The following ARHGEF10L variants were observed in gnomAD, a reference collection of about 807,000 sequenced individuals.
ARHGEF10L encodes rho guanine nucleotide exchange factor 10-like protein.
Under a neutral mutation model 141.2 loss-of-function variants are expected in ARHGEF10L, and 69 were observed. The observed-to-expected ratio is 0.49, with a 90% CI of 0.40 to 0.60. The LOEUF is 0.60. ARHGEF10L is among the 20% of genes least tolerant of loss of function. The pLI is 0.00. For missense variants in ARHGEF10L, 1,482 were observed against 1,734.3 expected (o/e 0.85, Z 2.58); for synonymous variants, 711 against 718.5 (o/e 0.99, Z 0.17).
rs1450090038 is a variant in ARHGEF10L at position 17,603,324 on chromosome 1, G to T, written c.350-184G>T. On this transcript the variant is annotated intron_variant, in intron 5 of 28. Transcript: ENST00000361221. This position sits in a 1 kb window ranked among gnomAD's most constrained non-coding sequence, Gnocchi z 4.8. The stretch of plus-strand genomic sequence containing the variant: ...GAGGGCGCCTTGGAGGGGGTGGGGG[G>T]CGGGGAGAAGCGAGGGAGCCGGCAT... Among the ~76,000 whole-genome samples the T allele has an allele frequency of 8.3e-6, 1 of 121,134 alleles. No homozygotes were observed. Among genetic ancestry groups the T allele is most frequent in the African/African-American group, 3.0e-5 (1 of 32,834 alleles). 79.5% of individuals were successfully genotyped at this position (121,134 alleles called of 152,430 possible).
At chr1:17,661,821 G>C (rs1239874427) in intron 25 of ARHGEF10L, among the ~76,000 whole-genome samples, 1 of 152,240 alleles carries the variant, frequency 6.6e-6, no homozygotes, top group Non-Finnish European at 1.5e-5. Flanking sequence ...CATCCCTGGC[G>C]GAGCCCTGGC....
chr1:17,519,980 G>A, the ARHGEF10L span, among the ~76,000 whole-genome samples: 1 of 152,214 alleles, frequency 6.6e-6, no homozygotes, highest in Non-Finnish European at 1.5e-5. Context: ...CTGGCTAAAA[G>A]GGGTGCAGCC....
At position 17,656,108 on chromosome 1, in the gene ARHGEF10L, G is replaced by C. The variant is rs2102034688; in HGVS notation, c.2705+6G>C. 1 of 1,549,990 alleles carries C rather than the reference G, an allele frequency of 6.5e-7. No homozygotes were observed. ...CTCGGGCTCCAGGATGGCAGGTGAG[G>C]GGCCCGGAAGGAGGGGTGAGAGCAG... On this transcript the variant is annotated splice_donor_region_variant and intron_variant, in intron 24 of 28. Coordinates refer to ENST00000361221, the MANE Select transcript of ARHGEF10L (RefSeq NM_018125.4). This position sits in a 1 kb window ranked among gnomAD's most constrained non-coding sequence, Gnocchi z 4.9.
the ARHGEF10L span, among the ~76,000 whole-genome samples, chr1:17,523,234 C>G: frequency 1.4e-4 from 21 of 151,856 alleles, 1 homozygote; most frequent in South Asian, 1.9e-3. Context: ...TATAGGTGCC[C>G]ACCACCACCA....
chr1:17,563,444 G>A (rs1194302317), intron 1 of ARHGEF10L, among the ~76,000 whole-genome samples: 2 of 152,008 alleles, frequency 1.3e-5, no homozygotes, highest in South Asian at 2.1e-4. Flanking sequence ...CATGTTGCCC[G>A]GGATGGTCTT....
chr1:17,612,978 G>A, intron 7 of ARHGEF10L, 80 bp from the exon 8 acceptor site: 1 of 965,720 alleles, frequency 1.0e-6, no homozygotes, highest in Non-Finnish European at 1.7e-6. Context: ...TTTCTCCCCT[G>A]TTGTCTGTGT....
At position 17,656,638 on chromosome 1, in the gene ARHGEF10L, G is replaced by A. The variant is rs747586983; in HGVS notation, c.2790G>A (p.Leu930=). Residue 930 remains leucine (L), a synonymous_variant, in exon 25 of 29, where the codon CTG becomes CTA. Coordinates refer to ENST00000361221, the MANE Select transcript of ARHGEF10L (RefSeq NM_018125.4). The surrounding 1 kb of genome is among the most constrained non-coding windows in gnomAD (Gnocchi z 4.9). ...CAGGTCTGCAGCCTGTGCTCTGCCT[G>A]CGACACAGCCCCTTCCACCTGCTCG... is the stretch of plus-strand genomic sequence containing the variant. ...RSPGLQPVLC[L]RHSPFHLLAG... is the part of the protein sequence containing the mutation. 1.2e-6 allele frequency: 2 copies of A among 1,613,712 alleles called. No homozygotes were observed. The highest frequency in any genetic ancestry group is 8.5e-7 in the Non-Finnish European group (1 of 1,180,030).
the ARHGEF10L span, among the ~76,000 whole-genome samples, chr1:17,524,364 T>TATACACAC: frequency 1.7e-5 from 2 of 116,030 alleles, no homozygotes; most frequent in Non-Finnish European, 3.4e-5. Flanking sequence ...ACCCCGTCTC[T>TATACACAC]ACACACACAC....
chr1:17,628,763 C>G (rs2060517356), intron 15 of ARHGEF10L, among the ~76,000 whole-genome samples: 1 of 152,186 alleles, frequency 6.6e-6, no homozygotes, highest in African/African-American at 2.4e-5. Flanking sequence ...GTAGACCTTT[C>G]TAAGAGTCCA....
chr1:17,557,364 ACC>A (rs2077372853), intron 1 of ARHGEF10L, among the ~76,000 whole-genome samples: 1 of 151,682 alleles, frequency 6.6e-6, no homozygotes, highest in Non-Finnish European at 1.5e-5. Flanking sequence ...AACAAAAAAA[ACC>A]AAAAAAAACA....
rs2060130380 is a variant in ARHGEF10L at position 17,621,928 on chromosome 1, A to G, written c.1007A>G (p.Lys336Arg). 3 of 1,614,012 alleles carry G rather than the reference A, an allele frequency of 1.9e-6. No individual in the cohort carries two copies. Among genetic ancestry groups the G allele is most frequent in the Non-Finnish European group, 2.5e-6 (3 of 1,180,018 alleles). ...QSEGSYVESLKRILQDYRNPL... is the reference protein window; with the variant it reads ...QSEGSYVESLRRILQDYRNPL... ...GAAGGCAGCTACGTGGAGTCTCTGA[A>G]GCGGATACTCCAGGTGCGACTTCAG... The change falls in exon 11 of 29, where the codon AAG becomes AGG. Residue 336 changes from lysine to arginine, a missense_variant. By Grantham distance (26) the Lys-to-Arg change is conservative. Around this residue, in one of 3 missense-constraint regions of ARHGEF10L, gnomAD observed 392 missense variants for 542.1 expected, o/e 0.72. Transcript: ENST00000361221. This position sits in a 1 kb window ranked among gnomAD's most constrained non-coding sequence, Gnocchi z 4.1.
rs979750167 is a variant in ARHGEF10L at position 17,565,275 on chromosome 1, G to T, written c.-43-15278G>T. 8.5e-5 allele frequency among the ~76,000 whole-genome samples: 13 copies of T among 152,172 alleles called. 1 individual carries two copies. Among genetic ancestry groups the T allele is most frequent in the Non-Finnish European group, 2.9e-5 (2 of 68,028 alleles). ...CACTGCCTAATCCATCACCTTGGGG[G>T]TGAGGTTTCCGCATAGGAATTTTAG... On this transcript the variant is annotated intron_variant, in intron 1 of 28. Coordinates refer to ENST00000361221, the MANE Select transcript of ARHGEF10L (RefSeq NM_018125.4).
chr1:17,671,000 T>A (rs1000764984), intron 26 of ARHGEF10L, among the ~76,000 whole-genome samples: 5 of 152,264 alleles, frequency 3.3e-5, no homozygotes, highest in African/African-American at 1.2e-4. Flanking sequence ...TCTCAGCACA[T>A]CACCCGGCTT....
intron 1 of ARHGEF10L, among the ~76,000 whole-genome samples, chr1:17,567,537 T>C (rs2077810766): frequency 6.6e-6 from 1 of 152,142 alleles, no homozygotes; most frequent in Admixed American, 6.5e-5. Context: ...CAGCTCCTTT[T>C]TTGTATTTTT....
intron 27 of ARHGEF10L, chr1:17,689,816 T>G (rs1281068498): frequency 2.2e-6 from 1 of 455,942 alleles, no homozygotes; most frequent in Non-Finnish European, 4.4e-6. Context: ...AATCTCGTCT[T>G]GTCTGCGCAG....
intron 9 of ARHGEF10L, chr1:17,618,257 T>TCCCCCCCCCCC: frequency 1.4e-6 from 1 of 714,926 alleles, no homozygotes; most frequent in Non-Finnish European, 2.0e-6. Context: ...TCCTCAGCCC[T>TCCCCCCCCCCC]CCCCACCCCG....
chr1:17,618,764 C>G (rs1051286885), intron 9 of ARHGEF10L, among the ~76,000 whole-genome samples: 1 of 152,212 alleles, frequency 6.6e-6, no homozygotes, highest in African/African-American at 2.4e-5. Context: ...AGGCTTGGGC[C>G]TCTGTCCATC....
chr1:17,599,542 A>G (rs1236443564), intron 4 of ARHGEF10L, among the ~76,000 whole-genome samples: 1 of 152,140 alleles, frequency 6.6e-6, no homozygotes. Context: ...ATTCCGAGCA[A>G]CTGATGTGGC....
the ARHGEF10L span, among the ~76,000 whole-genome samples, chr1:17,534,414 T>C: frequency 0.4 from 61,147 of 151,756 alleles, 12,805 homozygotes; most frequent in African/African-American, 0.43. Flanking sequence ...TGAACCACCG[T>C]GCTTGGCTGC....
Sources: gnomAD v4.1 joint callset for allele counts (sites outside exome capture counted in the v4.1 genomes callset) on GRCh38, gnomAD v4.1.1 for gene constraint, gnomAD v4.1.1 regional missense constraint, Gnocchi (gnomAD v3.1) non-coding constraint, MANE v1.5 for transcripts, NCBI Gene and HGNC (gene_info 2026-07-23, HGNC 2026-07-21) for gene names.